Variants in SLC6A4 observed in about 807,000 individuals in gnomAD.
The protein encoded by SLC6A4 is sodium-dependent serotonin transporter.
A neutral mutation model predicts 73.4 loss-of-function variants in SLC6A4; 22 were observed. That is an observed-to-expected ratio of 0.30 (90% CI 0.21 to 0.43). SLC6A4 has a LOEUF of 0.43. Ranked by LOEUF, SLC6A4 falls within the 20% of genes least tolerant of loss-of-function variation. The probability of loss-of-function intolerance (pLI) is 1.00; values close to 1 mark genes in which losing one functional copy is unlikely to be tolerated. For synonymous variants in SLC6A4, 270 were observed against 315.5 expected, an observed-to-expected ratio of 0.86 and a Z score of 1.53; for missense variants, 593 against 808.5, an observed-to-expected ratio of 0.73 and a Z score of 3.23.
intron 6 of SLC6A4, 133 bp downstream of exon 6, chr17:30,217,033 A>G (rs1461121115): frequency 1.3e-6 from 1 of 774,144 alleles, no homozygotes; most frequent in African/African-American, 1.8e-5. Context: ...TGCGGTGAAG[A>G]GAGAGAGGGT....
intron 6 of SLC6A4, among the ~76,000 whole-genome samples, chr17:30,216,837 G>GTTTT (rs888920681): frequency 2.9e-4 from 39 of 134,796 alleles, no homozygotes; most frequent in South Asian, 1.1e-3. Flanking sequence ...CCTGGCTATT[G>GTTTT]TTTTTTTTTG....
intron 13 of SLC6A4, chr17:30,206,241 C>CAAAAAAAAAA (rs5819882): frequency 8.4e-4 from 89 of 106,434 alleles, no homozygotes; most frequent in East Asian, 2.5e-3. Flanking sequence ...CTCTAAAAGA[C>CAAAAAAAAAA]AAAAAAAAAA....
chr17:30,204,900 T>C (rs1341112990), intron 13 of SLC6A4, among the ~76,000 whole-genome samples: 1 of 152,114 alleles, frequency 6.6e-6, no homozygotes, highest in East Asian at 1.9e-4. Flanking sequence ...ACTCAATGAC[T>C]GTGCATCAAG....
chr17:30,231,657 A>G (rs1472762694), intron 1 of SLC6A4, among the ~76,000 whole-genome samples: 2 of 152,206 alleles, frequency 1.3e-5, no homozygotes, highest in African/African-American at 4.8e-5. Context: ...ACTGGTGAAA[A>G]TGGACCATAT....
intron 1 of SLC6A4, among the ~76,000 whole-genome samples, chr17:30,230,098 G>GGAGGAA (rs1170384159): frequency 4.5e-5 from 4 of 89,558 alleles, no homozygotes; most frequent in Non-Finnish European, 9.0e-5. Context: ...AAGAAGAAGA[G>GGAGGAA]GAGGAAGAGG....
At chr17:30,210,736 C>T (rs1379129800) in intron 10 of SLC6A4, 90 bp from the exon 11 acceptor site, 1 of 1,416,176 alleles carries the variant, frequency 7.1e-7, no homozygotes, top group Admixed American at 2.3e-5. Context: ...GGTAAGGTTG[C>T]TAAGTGACTG....
rs1329413679 is a variant in SLC6A4, at chr17:30,218,327, A to G, written c.489T>C (p.Tyr163=). ...TGTAAAAGGCAATGATGCAGATGGCATAACCAATCCCTGGGCAGTGGGTGA... is the reference window on the plus strand; with the variant it reads ...TGTAAAAGGCAATGATGCAGATGGCGTAACCAATCCCTGGGCAGTGGGTGA... ...KICPIFKGIG[Y]AICIIAFYIA... Residue 163 remains tyrosine, a synonymous_variant, in exon 5 of 15, where the codon TAT becomes TAC. Coordinates refer to ENST00000650711, the MANE Select transcript of SLC6A4 (RefSeq NM_001045.6). 3.1e-6 allele frequency: 5 copies of G among 1,613,680 alleles called. No individual in the cohort carries two copies. The African/African-American group carries it at 4.0e-5, about 13-fold the overall frequency.
chr17:30,223,282 A>C (rs1360702767), intron 1 of SLC6A4, among the ~76,000 whole-genome samples: 1 of 152,204 alleles, frequency 6.6e-6, no homozygotes, highest in African/African-American at 2.4e-5. Context: ...AAAGATAGCC[A>C]GGGATGGACT....
intron 8 of SLC6A4, among the ~76,000 whole-genome samples, chr17:30,213,302 C>CTTTTTTTTTTT (rs3034289): frequency 3.1e-5 from 4 of 129,812 alleles, no homozygotes; most frequent in Non-Finnish European, 4.9e-5. Flanking sequence ...ATTTTTTTTT[C>CTTTTTTTTTTT]TTTTTTTTTT....
chr17:30,214,349 G>A (rs1397963368), intron 8 of SLC6A4, among the ~76,000 whole-genome samples: 1 of 149,828 alleles, frequency 6.7e-6, no homozygotes, highest in Admixed American at 6.6e-5. Context: ...TTGAACCCGG[G>A]AGGCAGAGGT....
chr17:30,221,324 A>G (rs186959910), intron 3 of SLC6A4, among the ~76,000 whole-genome samples: 5 of 152,136 alleles, frequency 3.3e-5, no homozygotes, highest in Non-Finnish European at 7.4e-5. Flanking sequence ...TCATGTTCCT[A>G]GTCTTACGCC....
chr17:30,208,149 G>A (rs891994976), intron 12 of SLC6A4, among the ~76,000 whole-genome samples: 1 of 152,142 alleles, frequency 6.6e-6, no homozygotes, highest in African/African-American at 2.4e-5. Flanking sequence ...ATGGACATTT[G>A]GGAGGATGGA....
rs572033608 is a variant in SLC6A4, at chr17:30,195,662, T to C, written c.*2794A>G. ...AATTAGCTTGGTCCCCAGGTTTGTC[T>C]CTGCCTCTAATGGCATTATCTGACC... On this transcript the variant is annotated 3_prime_UTR_variant, in exon 15 of 15. Coordinates refer to ENST00000650711, the MANE Select transcript of SLC6A4 (RefSeq NM_001045.6). The C allele has an allele frequency of 1.3e-5, 2 of 152,278 alleles. No homozygotes were observed. The highest frequency in any genetic ancestry group is 3.9e-4 in the East Asian group (2 of 5,192). 9.4% of individuals were successfully genotyped at this position (152,278 alleles called of 1,614,324 possible).
chr17:30,215,671 G>A lies in SLC6A4; in HGVS notation c.1016C>T (p.Pro339Leu), dbSNP rs200850098. The change falls in exon 8 of 15, where the codon CCG becomes CTG. Residue 339 changes from proline to leucine, a missense_variant. Transcript: ENST00000650711. ...AAAAGCCAGCAGGACCCCAAAGCCC[G>A]GACCAAGAGAGAAGAAGATCTGAGC... The part of the protein sequence containing the change: ...AAAQIFFSLG[P>L]GFGVLLAFAS... The A allele has an allele frequency of 8.7e-6, 14 of 1,614,066 alleles. No homozygotes were observed. Among genetic ancestry groups the A allele is most frequent in the Non-Finnish European group, 1.2e-5 (14 of 1,179,994 alleles).
intron 1 of SLC6A4, among the ~76,000 whole-genome samples, chr17:30,223,848 TC>T (rs1467138745): frequency 2.6e-5 from 4 of 152,004 alleles, no homozygotes; most frequent in South Asian, 2.1e-4. Flanking sequence ...GGCCTTGGCC[TC>T]CCCCCACTTC....
intron 6 of SLC6A4, among the ~76,000 whole-genome samples, chr17:30,216,866 T>C (rs1053507977): frequency 6.6e-6 from 1 of 151,704 alleles, no homozygotes; most frequent in African/African-American, 2.4e-5. Flanking sequence ...TTTGTTTGTT[T>C]GTTTGTTTGT....
At chr17:30,214,422 CAA>C (rs748274109) in intron 8 of SLC6A4, among the ~76,000 whole-genome samples, 8 of 79,532 alleles carry the variant, frequency 1.0e-4, no homozygotes, top group African/African-American at 2.2e-4. Context: ...AACTCCGTCT[CAA>C]AAAAAAAAAA....
At chr17:30,227,985 C>T (rs1352583692) in intron 1 of SLC6A4, among the ~76,000 whole-genome samples, 1 of 152,180 alleles carries the variant, frequency 6.6e-6, no homozygotes, top group Non-Finnish European at 1.5e-5. Flanking sequence ...CCCTGAGAGG[C>T]TGGCCAAAAG....
chr17:30,205,636 G>A (rs1232520711), intron 13 of SLC6A4, among the ~76,000 whole-genome samples: 1 of 152,164 alleles, frequency 6.6e-6, no homozygotes, highest in Non-Finnish European at 1.5e-5. Context: ...AACATCTCAG[G>A]AGCCCAGAGC....
Sources: gnomAD v4.1 joint callset for allele counts (sites outside exome capture counted in the v4.1 genomes callset) on GRCh38, gnomAD v4.1.1 for gene constraint, MANE v1.5 for transcripts, NCBI Gene and HGNC (gene_info 2026-07-23, HGNC 2026-07-21) for gene names.